Variants in EYS observed in about 807,000 individuals in gnomAD.
The protein encoded by EYS is protein eyes shut homolog.
Under a neutral mutation model 282.1 loss-of-function variants are expected in EYS, and 250 were observed. The ratio of observed to expected loss-of-function variants is 0.89; its 90% CI spans 0.80 to 0.98. The LOEUF (loss-of-function observed/expected upper bound fraction) is 0.98. Among genes scored for constraint, EYS ranks in the 50% least tolerant of loss-of-function variants. The pLI, the probability that EYS is intolerant of heterozygous loss-of-function variation, is 0.00. For synonymous variants in EYS, 1,355 were observed against 1,282.9 expected, an observed-to-expected ratio of 1.06 and a Z score of -1.20; for missense variants, 4,016 against 3,709.0, an observed-to-expected ratio of 1.08 and a Z score of -2.15.
intron 13 of EYS, among the ~76,000 whole-genome samples, chr6:65,047,406 T>C (rs1773136548): frequency 6.6e-6 from 1 of 151,898 alleles, no homozygotes; most frequent in South Asian, 2.1e-4. Flanking sequence ...CATTTCTGGA[T>C]CCTGTTTTTT....
At chr6:65,123,746 A>C (rs1024270242) in intron 12 of EYS, among the ~76,000 whole-genome samples, 3 of 143,850 alleles carry the variant, frequency 2.1e-5, no homozygotes, top group Admixed American at 1.4e-4. Context: ...CTGACTTATA[A>C]CACCCACCCA....
intron 12 of EYS, among the ~76,000 whole-genome samples, chr6:65,176,181 C>A (rs1238008342): frequency 1.3e-5 from 2 of 151,460 alleles, no homozygotes; most frequent in South Asian, 2.1e-4. Flanking sequence ...ATTAGATTTT[C>A]AGAAATTATT....
chr6:64,214,292 G>A (rs928822810), intron 31 of EYS, among the ~76,000 whole-genome samples: 6 of 152,074 alleles, frequency 3.9e-5, no homozygotes, highest in Non-Finnish European at 8.8e-5. Context: ...ATCTTAAGTG[G>A]CTCTTTTGCA....
chr6:64,080,915 T>C (rs867384661), intron 32 of EYS, among the ~76,000 whole-genome samples: 21 of 152,100 alleles, frequency 1.4e-4, no homozygotes, highest in African/African-American at 5.1e-4. Context: ...CATTGGTCTA[T>C]ATCTCTGTTT....
At chr6:64,921,431 A>G (rs1768343876) in intron 15 of EYS, among the ~76,000 whole-genome samples, 1 of 152,188 alleles carries the variant, frequency 6.6e-6, no homozygotes, top group South Asian at 2.1e-4. Flanking sequence ...TAGCAGAGAT[A>G]AGAGAGAAAT....
intron 12 of EYS, among the ~76,000 whole-genome samples, chr6:65,243,605 A>C (rs957119673): frequency 9.9e-5 from 15 of 152,028 alleles, no homozygotes; most frequent in African/African-American, 1.7e-4. Flanking sequence ...CAAAGACTTT[A>C]TTTTTTTCTT....
At chr6:64,504,232 G>A (rs371781961) in intron 26 of EYS, among the ~76,000 whole-genome samples, 12 of 152,140 alleles carry the variant, frequency 7.9e-5, no homozygotes, top group Middle Eastern at 3.4e-3. Context: ...CATTATCTCA[G>A]CCCTCAGAAT....
At chr6:64,306,822 A>C in intron 30 of EYS, 148 bp downstream of exon 30, 2 of 589,200 alleles carry the variant, frequency 3.4e-6, no homozygotes, top group Non-Finnish European at 5.9e-6. Flanking sequence ...ATAAACTGTA[A>C]AAGAGTGAAG....
chr6:63,774,137 T>G (rs979088407), intron 40 of EYS, among the ~76,000 whole-genome samples: 10 of 152,108 alleles, frequency 6.6e-5, no homozygotes, highest in Admixed American at 2.0e-4. Flanking sequence ...AACATCTAAC[T>G]TGTTTTTGTA....
At chr6:64,460,361 T>G (rs1313652361) in intron 26 of EYS, among the ~76,000 whole-genome samples, 5 of 152,156 alleles carry the variant, frequency 3.3e-5, no homozygotes, top group Non-Finnish European at 7.4e-5. Context: ...TTGTTTAATC[T>G]CCAGTGAAAC....
intron 13 of EYS, among the ~76,000 whole-genome samples, chr6:65,039,147 T>C (rs1327064720): frequency 1.3e-5 from 2 of 151,700 alleles, no homozygotes; most frequent in East Asian, 1.9e-4. Flanking sequence ...TTTTAGGTTT[T>C]ACATAGAGAA....
chr6:65,130,847 A>T (rs1482399864), intron 12 of EYS, among the ~76,000 whole-genome samples: 1 of 151,620 alleles, frequency 6.6e-6, no homozygotes, highest in Non-Finnish European at 1.5e-5. Context: ...CTAAAAAAAA[A>T]TAATTAATAA....
intron 41 of EYS, among the ~76,000 whole-genome samples, chr6:63,739,077 C>T (rs1286506914): frequency 1.3e-5 from 2 of 152,152 alleles, no homozygotes; most frequent in Non-Finnish European, 2.9e-5. Flanking sequence ...CCTCCTTCCT[C>T]CCCTCCTTTC....
rs780170641 is a variant in EYS at position 65,622,487 on chromosome 6, T to G, written c.-333+17291A>C. On this transcript the variant is annotated intron_variant, in intron 2 of 42. Coordinates refer to ENST00000503581, the MANE Select transcript of EYS (RefSeq NM_001142800.2). ...AAAATAATAGTAGTAGCTACATTCT[T>G]TTACACATTATTCAATTATGGTAAG... 2.6e-4 allele frequency among the ~76,000 whole-genome samples: 40 copies of G among 152,044 alleles called. 3 individuals are homozygous for G. The highest frequency in any genetic ancestry group is 1.5e-5 in the Non-Finnish European group (1 of 68,012).
chr6:65,328,771 A>G (rs1365813949), intron 11 of EYS, among the ~76,000 whole-genome samples: 1 of 151,170 alleles, frequency 6.6e-6, no homozygotes, highest in African/African-American at 2.4e-5. Flanking sequence ...TTATGTTTTT[A>G]ATGAAAAAAA....
intron 22 of EYS, among the ~76,000 whole-genome samples, chr6:64,627,875 C>A (rs1239285268): frequency 6.6e-6 from 1 of 152,054 alleles, no homozygotes; most frequent in Non-Finnish European, 1.5e-5. Context: ...GTCAGGAGAT[C>A]GAGACCATCC....
At chr6:64,233,216 G>A (rs575284608) in intron 30 of EYS, among the ~76,000 whole-genome samples, 138 of 152,174 alleles carry the variant, frequency 9.1e-4, no homozygotes, top group South Asian at 4.6e-3. Flanking sequence ...CAATTGATCC[G>A]AAAACATCAG....
chr6:63,965,541 T>C (rs1321004864), intron 35 of EYS, among the ~76,000 whole-genome samples: 1 of 152,242 alleles, frequency 6.6e-6, no homozygotes, highest in Non-Finnish European at 1.5e-5. Flanking sequence ...TTGTCCTTCT[T>C]TCTCTTGTAA....
intron 7 of EYS, among the ~76,000 whole-genome samples, chr6:65,386,623 G>A (rs577493958): frequency 6.6e-6 from 1 of 151,948 alleles, no homozygotes; most frequent in Admixed American, 6.6e-5. Flanking sequence ...CAAAAGCAAA[G>A]TAAACAAAAG....
Sources: allele counts gnomAD v4.1 joint callset (sites outside exome capture counted in the v4.1 genomes callset), GRCh38; gene constraint gnomAD v4.1.1; transcripts MANE v1.5; gene names NCBI Gene and HGNC (gene_info 2026-07-23, HGNC 2026-07-21).